ZFAND6: variants seen among roughly 807,000 people sequenced by gnomAD.
The protein encoded by ZFAND6 is zinc finger AN1-type containing 6.
A neutral mutation model predicts 24.5 loss-of-function variants in ZFAND6; 12 were observed. The observed-to-expected ratio is 0.49, with a 90% CI of 0.31 to 0.79. The LOEUF is 0.79. Ranked by LOEUF, ZFAND6 falls within the 30% of genes least tolerant of loss-of-function variation. The pLI, the probability that ZFAND6 is intolerant of heterozygous loss-of-function variation, is 0.04. For missense variants in ZFAND6, 207 were observed against 245.9 expected (o/e 0.84, Z 1.06); for synonymous variants, 92 against 81.5 (o/e 1.13, Z -0.69).
At chr15:80,134,968 T>C (rs909674346) in intron 6 of ZFAND6, among the ~76,000 whole-genome samples, 8 of 152,304 alleles carry the variant, frequency 5.3e-5, no homozygotes, top group African/African-American at 1.9e-4. Context: ...GGAAACAATT[T>C]AGAGAACAAA....
chr15:80,059,376 T>C (rs2036199596), upstream of ZFAND6, among the ~76,000 whole-genome samples: 1 of 152,114 alleles, frequency 6.6e-6, no homozygotes, highest in Non-Finnish European at 1.5e-5. Flanking sequence ...CTATTGGAGG[T>C]AGAGAAACCG....
intron 2 of ZFAND6, among the ~76,000 whole-genome samples, chr15:80,117,932 C>G (rs180931289): frequency 7.2e-5 from 11 of 151,956 alleles, no homozygotes; most frequent in Non-Finnish European, 1.2e-4. Context: ...CAATTTTGAC[C>G]TCTATAGGGG....
At chr15:80,077,835 G>A (rs2037383522) in intron 1 of ZFAND6, among the ~76,000 whole-genome samples, 1 of 151,568 alleles carries the variant, frequency 6.6e-6, no homozygotes, top group Non-Finnish European at 1.5e-5. Context: ...AAGGAGCTGG[G>A]ACTACAGGTG....
chr15:80,099,029 TA>T (rs1490697051), intron 2 of ZFAND6, among the ~76,000 whole-genome samples: 1 of 152,042 alleles, frequency 6.6e-6, no homozygotes. Context: ...ATAATAATTT[TA>T]AAAGCTAATA....
chr15:80,101,914 T>C (rs1167706675), intron 2 of ZFAND6, among the ~76,000 whole-genome samples: 2 of 151,468 alleles, frequency 1.3e-5, no homozygotes, highest in African/African-American at 4.9e-5. Flanking sequence ...TGCCTTAGCT[T>C]CCGGAGTAGC....
At chr15:80,133,824 G>A (rs1470002483) in intron 6 of ZFAND6, among the ~76,000 whole-genome samples, 3 of 152,124 alleles carry the variant, frequency 2.0e-5, no homozygotes, top group Non-Finnish European at 4.4e-5. Context: ...CTGCTAACCC[G>A]AGTCTTGAAG....
At position 80,059,753 on chromosome 15, in the gene ZFAND6, C is replaced by CACCGGCGGCT. The variant is rs927760938; in HGVS notation, c.-227_-218dup. 1.2e-4 allele frequency: 19 copies of CACCGGCGGCT among 152,240 alleles called. No homozygotes were observed. Among genetic ancestry groups the CACCGGCGGCT allele is most frequent in the African/African-American group, 4.3e-4 (18 of 41,428 alleles). The allele number at this position is 152,240 out of a possible 1,614,324, so 9.4% of individuals were successfully genotyped here. A position where few individuals can be genotyped will look rare whatever the true frequency, so the allele number is the denominator to read the frequency against. On this transcript the variant is annotated 5_prime_UTR_variant, in exon 1 of 7. Transcript: ENST00000261749. ...TTCGGCGGCATTACCTGTACCCATT[C>CACCGGCGGCT]ACCGGCGGCTACCGGCGGCGGCGCG... is the stretch of plus-strand genomic sequence containing the variant.
intron 1 of ZFAND6, among the ~76,000 whole-genome samples, chr15:80,065,001 CCTTTTTTTT>C (rs2036540555): frequency 7.5e-6 from 1 of 133,554 alleles, no homozygotes; most frequent in Non-Finnish European, 1.6e-5. Flanking sequence ...TCTCTCTCCC[CCTTTTTTTT>C]TTTTTTTTTT....
At chr15:80,065,537 ATTTT>A (rs149756891) in intron 1 of ZFAND6, among the ~76,000 whole-genome samples, 36,489 of 76,986 alleles carry the variant, frequency 0.47, 6,819 homozygotes, top group Middle Eastern at 0.6. Context: ...TTTGGTTTTG[ATTTT>A]TTTTTTTTTT....
chr15:80,090,667 C>T (rs2038302175), intron 1 of ZFAND6, among the ~76,000 whole-genome samples: 1 of 152,106 alleles, frequency 6.6e-6, no homozygotes. Flanking sequence ...AGGCAGTTAG[C>T]AAAAACAACC....
At chr15:80,108,405 G>A (rs116986869) in intron 2 of ZFAND6, among the ~76,000 whole-genome samples, 1,907 of 152,182 alleles carry the variant, frequency 0.013, 36 homozygotes, top group Non-Finnish European at 0.016. Context: ...TAGATAGATC[G>A]ATCAATCTGT....
intron 2 of ZFAND6, among the ~76,000 whole-genome samples, chr15:80,118,195 C>T (rs1203334007): frequency 6.6e-6 from 1 of 152,088 alleles, no homozygotes; most frequent in Non-Finnish European, 1.5e-5. Flanking sequence ...GATCCCGGCT[C>T]ACTGCAACCT....
intron 1 of ZFAND6, among the ~76,000 whole-genome samples, chr15:80,074,316 G>C (rs2037143800): frequency 1.3e-5 from 2 of 151,962 alleles, no homozygotes; most frequent in East Asian, 1.9e-4. Flanking sequence ...TGTATGTGTT[G>C]CTATTAGTAA....
intron 6 of ZFAND6, among the ~76,000 whole-genome samples, chr15:80,133,443 C>T (rs1438084003): frequency 6.6e-6 from 1 of 152,148 alleles, no homozygotes; most frequent in Non-Finnish European, 1.5e-5. Flanking sequence ...GATCCACCCA[C>T]CTCAGCCTCC....
intron 2 of ZFAND6, among the ~76,000 whole-genome samples, chr15:80,103,164 A>G (rs146848687): frequency 2.6e-5 from 4 of 152,342 alleles, no homozygotes; most frequent in African/African-American, 9.6e-5. Flanking sequence ...GAGGCAGTGA[A>G]TGGCATGTGT....
chr15:80,114,622 AC>A, intron 2 of ZFAND6, among the ~76,000 whole-genome samples: 1 of 152,304 alleles, frequency 6.6e-6, no homozygotes, highest in Admixed American at 6.5e-5. Flanking sequence ...ATGGTGACTT[AC>A]CTTTAGGGAA....
chr15:80,135,273 C>T (rs1347440299), intron 6 of ZFAND6, among the ~76,000 whole-genome samples: 1 of 152,152 alleles, frequency 6.6e-6, no homozygotes, highest in Non-Finnish European at 1.5e-5. Flanking sequence ...TACAAACATA[C>T]AACACAAAAT....
intron 1 of ZFAND6, among the ~76,000 whole-genome samples, chr15:80,074,956 G>C (rs1414719448): frequency 6.6e-6 from 1 of 152,014 alleles, no homozygotes; most frequent in Non-Finnish European, 1.5e-5. Flanking sequence ...GATGGAACCA[G>C]TAGTTGAGCA....
At chr15:80,086,019 G>GA (rs146081720) in intron 1 of ZFAND6, among the ~76,000 whole-genome samples, 5,152 of 152,132 alleles carry the variant, frequency 0.034, 279 homozygotes, top group East Asian at 0.22. Flanking sequence ...ATTCATTGGT[G>GA]AAAAAAATTT....
Sources: gnomAD v4.1 joint callset for allele counts (sites outside exome capture counted in the v4.1 genomes callset) on GRCh38, gnomAD v4.1.1 for gene constraint, MANE v1.5 for transcripts, NCBI Gene and HGNC (gene_info 2026-07-23, HGNC 2026-07-21) for gene names.